Variants in PRDM4 observed in about 807,000 individuals in gnomAD.
PRDM4 encodes PR domain zinc finger protein 4.
Under a neutral mutation model 62.3 loss-of-function variants are expected in PRDM4, and 38 were observed. That is an observed-to-expected ratio of 0.61 (90% CI 0.47 to 0.80). The LOEUF is 0.80. Ranked by LOEUF, PRDM4 falls within the 30% of genes least tolerant of loss-of-function variation. The pLI is 0.00. For synonymous variants in PRDM4, 339 were observed against 348.2 expected (o/e 0.97, Z 0.30); for missense variants, 858 against 997.1 (o/e 0.86, Z 1.88).
intron 11 of PRDM4, 71 bp downstream of exon 11, chr12:107,739,312 C>T (rs1352057712): frequency 6.5e-7 from 1 of 1,528,622 alleles, no homozygotes; most frequent in Non-Finnish European, 8.9e-7. Context: ...GCCCTTCAAT[C>T]AGCAGGTGGG....
chr12:107,758,235 C>CT (rs1891120941), intron 2 of PRDM4: 8 of 122,944 alleles, frequency 6.5e-5, no homozygotes, highest in African/African-American at 1.2e-4. Flanking sequence ...CTCTCTTAAT[C>CT]TTCTTTTTTT....
At chr12:107,735,324 A>G (rs949462841) in intron 11 of PRDM4, among the ~76,000 whole-genome samples, 2 of 152,198 alleles carry the variant, frequency 1.3e-5, no homozygotes, top group African/African-American at 4.8e-5. Flanking sequence ...ATACACATCC[A>G]TCATTGACGG....
In PRDM4 at chr12:107,758,194, G is replaced by A. The variant is rs151105343; in HGVS notation, c.12-1229C>T. On this transcript the variant is annotated intron_variant, in intron 2 of 11. Coordinates refer to ENST00000228437, the MANE Select transcript of PRDM4 (RefSeq NM_012406.4). ...TTATGGCTCCCTTACCATGTGCTAT[G>A]TATTGGGCTAAGTGATTTATATGTA... 4.4e-4 allele frequency: 63 copies of A among 144,202 alleles called. No homozygotes were observed. In the East Asian group the frequency reaches 0.011, roughly 25 times the overall value. The allele number at this position is 144,202 out of a possible 1,614,324, so 8.9% of individuals were successfully genotyped here. A position where few individuals can be genotyped will look rare whatever the true frequency, so the allele number is the denominator to read the frequency against.
At chr12:107,738,960 G>T (rs1009109834) in intron 11 of PRDM4, among the ~76,000 whole-genome samples, 1 of 151,544 alleles carries the variant, frequency 6.6e-6, no homozygotes, top group Non-Finnish European at 1.5e-5. Flanking sequence ...ATCCTTCAGT[G>T]TCTCGCCATT....
intron 8 of PRDM4, chr12:107,742,729 T>G (rs1890557369): frequency 4.1e-6 from 1 of 241,960 alleles, no homozygotes; most frequent in African/African-American, 2.3e-5. Flanking sequence ...CACTTTCAAA[T>G]TCAGTGGTAA....
chr12:107,744,099 G>C (rs1054000359), intron 7 of PRDM4, among the ~76,000 whole-genome samples: 1 of 151,236 alleles, frequency 6.6e-6, no homozygotes, highest in Non-Finnish European at 1.5e-5. Flanking sequence ...GGGCAACAGA[G>C]CAAGACTCCA....
At chr12:107,749,286 A>G (rs1332517042) in intron 5 of PRDM4, among the ~76,000 whole-genome samples, 1 of 152,192 alleles carries the variant, frequency 6.6e-6, no homozygotes, top group East Asian at 1.9e-4. Context: ...AGACACTGAA[A>G]TCAACATGTC....
chr12:107,743,348 T>C, intron 7 of PRDM4, 66 bp from the exon 8 acceptor site: 1 of 1,166,320 alleles, frequency 8.6e-7, no homozygotes, highest in South Asian at 1.2e-5. Flanking sequence ...ACATTACACT[T>C]AGGCCAGCAA....
chr12:107,744,693 A>G (rs1890631257), intron 6 of PRDM4, 32 bp from the exon 7 acceptor site: 1 of 1,609,806 alleles, frequency 6.2e-7, no homozygotes, highest in Non-Finnish European at 8.5e-7. Context: ...CTACACAATC[A>G]ATGATTTAAA....
chr12:107,748,256 C>T (rs55929921), intron 5 of PRDM4, among the ~76,000 whole-genome samples: 44,677 of 152,096 alleles, frequency 0.29, 8,231 homozygotes, highest in Middle Eastern at 0.43. Context: ...GAACCCTCAT[C>T]CACTGCTGCT....
chr12:107,735,648 A>G (rs1439707949), intron 11 of PRDM4, among the ~76,000 whole-genome samples: 1 of 151,956 alleles, frequency 6.6e-6, no homozygotes, highest in Non-Finnish European at 1.5e-5. Flanking sequence ...GCCCCACAAC[A>G]AAAAATTAAC....
chr12:107,754,072 C>A lies in PRDM4; in HGVS notation c.183G>T (p.Leu61=), dbSNP rs1001096839. ...AAGACAGAGCAGAAGGCAGAGAGCT[C>A]AGGGAGGGACCCAGGTTTGGAATTG... The part of the protein sequence containing the change: ...PVAIPNLGPS[L]SSLPSALSLM... Residue 61 remains leucine (L), a synonymous_variant, in exon 4 of 12, where the codon CTG becomes CTT. Transcript: ENST00000228437. 2 of 1,611,174 alleles carry A rather than the reference C, an allele frequency of 1.2e-6. No homozygotes were observed. Among genetic ancestry groups the A allele is most frequent in the Non-Finnish European group, 1.7e-6 (2 of 1,178,854 alleles).
Position 107,734,428 on chromosome 12 carries a change from A to G in PRDM4, c.2188T>C (p.Tyr730His). Reference sequence around the variant, plus strand: ...GCCTTTGTACATTTTTCACAGACATAATCCCGTTTTCCTTCATGAGAATTG... The same window carrying G: ...GCCTTTGTACATTTTTCACAGACATGATCCCGTTTTCCTTCATGAGAATTG... ...HLNSHEGKRD[Y>H]VCEKCTKAYL... The change falls in exon 12 of 12, where the codon TAT becomes CAT. Residue 730 changes from tyrosine (Y) to histidine (H), a missense_variant. This residue lies in a region of PRDM4 where 355 missense variants were observed against 432.6 expected (regional missense o/e 0.82). Coordinates refer to ENST00000228437, the MANE Select transcript of PRDM4 (RefSeq NM_012406.4). 1 of 1,614,130 alleles carries G rather than the reference A, an allele frequency of 6.2e-7. No individual in the cohort carries two copies. Among genetic ancestry groups the G allele is most frequent in the Non-Finnish European group, 8.5e-7 (1 of 1,179,994 alleles).
chr12:107,760,641 TCCCCGG>T lies in PRDM4; in HGVS notation c.-132_-127del. 1 of 1,252,600 alleles carries T rather than the reference TCCCCGG, an allele frequency of 8.0e-7. No individual in the cohort carries two copies. Among genetic ancestry groups the T allele is most frequent in the South Asian group, 1.5e-5 (1 of 68,184 alleles). 77.6% of individuals were successfully genotyped at this position (1,252,600 alleles called of 1,614,324 possible). On this transcript the variant is annotated 5_prime_UTR_variant, in exon 2 of 12. Coordinates refer to ENST00000228437, the MANE Select transcript of PRDM4 (RefSeq NM_012406.4). The stretch of plus-strand genomic sequence containing the variant: ...ACCGCTGCACCGACGCGGCCACTCG[TCCCCGG>T]GGTCGCCCGGGGCCGCCCAACTTCT...
At chr12:107,755,186 T>C (rs1891024355) in intron 3 of PRDM4, among the ~76,000 whole-genome samples, 1 of 152,090 alleles carries the variant, frequency 6.6e-6, no homozygotes, top group African/African-American at 2.4e-5. Flanking sequence ...CTGGCTCAAG[T>C]GGCCATCCCT....
chr12:107,755,999 T>C lies in PRDM4; in HGVS notation c.145+833A>G, dbSNP rs541249717. ...TACTCGGGATGCTGAGGCAGGAGAATTGCTTGAACCCGGGAGGCGGGCGGA... is the reference window on the plus strand; with the variant it reads ...TACTCGGGATGCTGAGGCAGGAGAACTGCTTGAACCCGGGAGGCGGGCGGA... On this transcript the variant is annotated intron_variant, in intron 3 of 11. Transcript: ENST00000228437. 1.4e-4 allele frequency among the ~76,000 whole-genome samples: 21 copies of C among 152,266 alleles called. No individual in the cohort carries two copies. The South Asian group carries it at 2.1e-3, about 15-fold the overall frequency.
At chr12:107,738,873 AG>A (rs1890421314) in intron 11 of PRDM4, among the ~76,000 whole-genome samples, 2 of 92,404 alleles carry the variant, frequency 2.2e-5, no homozygotes, top group African/African-American at 4.2e-5. Context: ...ACTGCAATTC[AG>A]ACAAACACAC....
At chr12:107,747,069 T>TC (rs1890731464) in intron 5 of PRDM4, among the ~76,000 whole-genome samples, 1 of 151,968 alleles carries the variant, frequency 6.6e-6, no homozygotes, top group African/African-American at 2.4e-5. Context: ...ATCACTTGAG[T>TC]CCAGGAGTTC....
chr12:107,751,303 A>C, intron 5 of PRDM4, 112 bp downstream of exon 5: 6 of 1,106,512 alleles, frequency 5.4e-6, no homozygotes, highest in Non-Finnish European at 6.4e-6. Flanking sequence ...AAAAGTTCCA[A>C]GGTCTAGTTG....
Sources: gnomAD v4.1 joint callset for allele counts (sites outside exome capture counted in the v4.1 genomes callset) on GRCh38, gnomAD v4.1.1 for gene constraint, gnomAD v4.1.1 regional missense constraint, MANE v1.5 for transcripts, NCBI Gene and HGNC (gene_info 2026-07-23, HGNC 2026-07-21) for gene names.